DTNB: variants seen among roughly 807,000 people sequenced by gnomAD.
The protein encoded by DTNB is DTN-B.
DTNB carries 63 observed loss-of-function variants against 90.7 expected under a neutral mutation model. That is an observed-to-expected ratio of 0.69 (90% CI 0.57 to 0.86). DTNB has a LOEUF of 0.86. Ranked by LOEUF, DTNB falls within the 40% of genes least tolerant of loss-of-function variation. The probability of loss-of-function intolerance (pLI) is 0.00; values close to 1 mark genes in which losing one functional copy is unlikely to be tolerated. For missense variants in DTNB, 744 were observed against 807.1 expected, an observed-to-expected ratio of 0.92 and a Z score of 0.95; for synonymous variants, 277 against 286.7, an observed-to-expected ratio of 0.97 and a Z score of 0.34.
intron 10 of DTNB, among the ~76,000 whole-genome samples, chr2:25,466,565 C>T (rs2061820604): frequency 6.6e-6 from 1 of 152,190 alleles, no homozygotes; most frequent in Non-Finnish European, 1.5e-5. Flanking sequence ...GTGGCCGAGT[C>T]ACTCAGCCAG....
At chr2:25,426,529 G>A (rs146138176) in intron 15 of DTNB, 9 of 152,286 alleles carry the variant, frequency 5.9e-5, no homozygotes, top group African/African-American at 2.2e-4. Context: ...TGGGCCTTTG[G>A]ACTCTGGGAC....
intron 9 of DTNB, among the ~76,000 whole-genome samples, chr2:25,486,751 CATT>C (rs1342705156): frequency 6.6e-6 from 1 of 151,818 alleles, no homozygotes; most frequent in East Asian, 1.9e-4. Context: ...GTAAAGCAGA[CATT>C]AATGCTACAA....
intron 16 of DTNB, among the ~76,000 whole-genome samples, chr2:25,395,532 C>A (rs1020055089): frequency 1.3e-5 from 2 of 148,368 alleles, no homozygotes; most frequent in Non-Finnish European, 3.0e-5. Flanking sequence ...ATATATAAAT[C>A]ACAATATATA....
chr2:25,652,082 T>A (rs1411531173), intron 2 of DTNB, among the ~76,000 whole-genome samples: 1 of 152,236 alleles, frequency 6.6e-6, no homozygotes, highest in East Asian at 1.9e-4. Flanking sequence ...CTCAGCCATC[T>A]TCTTCTCTCT....
Position 25,564,428 on chromosome 2 carries a change from T to C in DTNB, c.876+12410A>G, listed in dbSNP as rs538457791. On this transcript the variant is annotated intron_variant, in intron 8 of 20. Coordinates refer to ENST00000406818, the MANE Select transcript of DTNB (RefSeq NM_021907.5). ...TGGAGTCTCTCTCTGTCACCCACGATGGAGCACAGTGGTGCGATCTTGGCT... is the reference window on the plus strand; with the variant it reads ...TGGAGTCTCTCTCTGTCACCCACGACGGAGCACAGTGGTGCGATCTTGGCT... 1.7e-4 allele frequency among the ~76,000 whole-genome samples: 26 copies of C among 152,256 alleles called. 1 individual carries two copies. The South Asian group carries it at 4.6e-3, about 27-fold the overall frequency.
intron 14 of DTNB, among the ~76,000 whole-genome samples, chr2:25,429,019 G>C (rs960730479): frequency 5.9e-5 from 9 of 151,990 alleles, no homozygotes; most frequent in African/African-American, 1.9e-4. Flanking sequence ...ACTGACCCTT[G>C]CCTGTGCAAT....
intron 15 of DTNB, among the ~76,000 whole-genome samples, chr2:25,425,279 GA>G (rs1397244530): frequency 1.3e-5 from 2 of 152,124 alleles, no homozygotes; most frequent in South Asian, 2.1e-4. Flanking sequence ...AAGCTAGGGG[GA>G]AAAAACAACA....
At chr2:25,539,507 T>C (rs1181759832) in intron 8 of DTNB, among the ~76,000 whole-genome samples, 1 of 152,142 alleles carries the variant, frequency 6.6e-6, no homozygotes, top group Non-Finnish European at 1.5e-5. Context: ...CCTATGTTTA[T>C]GGGCCATTTG....
At chr2:25,455,280 T>C (rs1321116683) in intron 11 of DTNB, 125 bp downstream of exon 11, 20 of 837,332 alleles carry the variant, frequency 2.4e-5, no homozygotes, top group East Asian at 5.8e-5. Context: ...CTGCCAAACA[T>C]AGCTGGTAGC....
chr2:25,620,158 C>T (rs2072114625), intron 4 of DTNB, among the ~76,000 whole-genome samples: 1 of 152,140 alleles, frequency 6.6e-6, no homozygotes, highest in South Asian at 2.1e-4. Context: ...GAACAAAACG[C>T]ATGGCATCTG....
At chr2:25,505,282 C>T (rs527268335) in intron 9 of DTNB, among the ~76,000 whole-genome samples, 2 of 152,232 alleles carry the variant, frequency 1.3e-5, no homozygotes, top group African/African-American at 2.4e-5. Flanking sequence ...TCCTCTGTCA[C>T]GATTTCTCTC....
chr2:25,502,042 G>A lies in DTNB; in HGVS notation c.1002-19169C>T, dbSNP rs1415844063. 6.6e-5 allele frequency among the ~76,000 whole-genome samples: 10 copies of A among 152,092 alleles called. No homozygotes were observed. The East Asian group carries it at 1.9e-3, about 29-fold the overall frequency. Reference sequence around the variant, plus strand: ...TTCTACAAAAATAAAAAATTAGCTGGGCATGGTGGTGTACACCTGTGGTCT... The same window carrying A: ...TTCTACAAAAATAAAAAATTAGCTGAGCATGGTGGTGTACACCTGTGGTCT... On this transcript the variant is annotated intron_variant, in intron 9 of 20. Coordinates refer to ENST00000406818, the MANE Select transcript of DTNB (RefSeq NM_021907.5).
In DTNB at chr2:25,448,583, G is replaced by A. The variant is rs541251655; in HGVS notation, c.1257+2965C>T. On this transcript the variant is annotated intron_variant, in intron 12 of 20. Coordinates refer to ENST00000406818, the MANE Select transcript of DTNB (RefSeq NM_021907.5). ...TCTTAAGTATTCCATTGACGGGCGC[G>A]GTGGCTCACGCCTGTAATCCCAGCA... Among the ~76,000 whole-genome samples the A allele has an allele frequency of 8.2e-4, 125 of 152,142 alleles. 2 individuals are homozygous for A. The highest frequency in any genetic ancestry group is 1.4e-3 in the Non-Finnish European group (93 of 68,014).
At position 25,433,948 on chromosome 2, in the gene DTNB, T is replaced by C; in HGVS notation, c.1305A>G (p.Gln435=). The change falls in exon 13 of 21, where the codon CAA becomes CAG. Residue 435 remains glutamine, a synonymous_variant. Transcript: ENST00000406818. ...CCAGTTCTGCAATAAGCTGTCTTTG[T>C]TGTTTGTTGGCATCAAAGTTAAAGC... The part of the protein sequence containing the change: ...DLSFNFDANK[Q]QRQLIAELEN... 1.2e-6 allele frequency: 2 copies of C among 1,613,924 alleles called. No individual in the cohort carries two copies. Among genetic ancestry groups the C allele is most frequent in the Non-Finnish European group, 1.7e-6 (2 of 1,179,852 alleles).
At chr2:25,531,682 AGT>A in intron 8 of DTNB, 85 bp from the exon 9 acceptor site, 1 of 1,507,956 alleles carries the variant, frequency 6.6e-7, no homozygotes, top group Middle Eastern at 1.8e-4. Flanking sequence ...TTGTGACAAG[AGT>A]GTAAAAACAT....
chr2:25,438,071 G>T (rs1249717352), intron 12 of DTNB, among the ~76,000 whole-genome samples: 2 of 152,178 alleles, frequency 1.3e-5, no homozygotes, highest in African/African-American at 2.4e-5. Context: ...CTGAGGGAAG[G>T]CCTGCTGGGC....
intron 6 of DTNB, among the ~76,000 whole-genome samples, chr2:25,589,367 C>CTCTTT (rs2063078912): frequency 1.6e-4 from 9 of 57,556 alleles, no homozygotes; most frequent in South Asian, 6.9e-4. Context: ...TTTTTCTTTT[C>CTCTTT]TTTTTTTTTT....
rs1328411747 is a variant in DTNB, at chr2:25,451,563, T to C, written c.1242A>G (p.Ala414=). 6.2e-7 allele frequency: 1 copy of C among 1,608,474 alleles called. No homozygotes were observed. The highest frequency in any genetic ancestry group is 2.2e-5 in the East Asian group (1 of 44,824). Residue 414 remains alanine, a synonymous_variant, in exon 12 of 21, where the codon GCA becomes GCG. Coordinates refer to ENST00000406818, the MANE Select transcript of DTNB (RefSeq NM_021907.5). ...LIARYAARLA[A]EAGNVTRPPT... Reference sequence around the variant, plus strand: ...ATTAACTTACCACGTTTCCTGCTTCTGCAGCCAGCCGGGCAGCATAGCGAG... The same window carrying C: ...ATTAACTTACCACGTTTCCTGCTTCCGCAGCCAGCCGGGCAGCATAGCGAG...
intron 12 of DTNB, among the ~76,000 whole-genome samples, chr2:25,436,009 C>T (rs1395064452): frequency 6.6e-6 from 1 of 152,156 alleles, no homozygotes; most frequent in Non-Finnish European, 1.5e-5. Context: ...ATTTGCATAT[C>T]CACTGATATT....
Sources: gnomAD v4.1 joint callset for allele counts (sites outside exome capture counted in the v4.1 genomes callset) on GRCh38, gnomAD v4.1.1 for gene constraint, MANE v1.5 for transcripts, NCBI Gene and HGNC (gene_info 2026-07-23, HGNC 2026-07-21) for gene names.